Variants in GRIA4 observed in about 807,000 individuals in gnomAD.
GRIA4 encodes the protein glutamate receptor 4.
GRIA4 carries 34 observed loss-of-function variants against 104.0 expected under a neutral mutation model. The ratio of observed to expected loss-of-function variants is 0.33; its 90% CI spans 0.25 to 0.44. The LOEUF is 0.44. GRIA4 is among the 20% of genes least tolerant of loss of function. The probability of loss-of-function intolerance (pLI) is 1.00; values close to 1 mark genes in which losing one functional copy is unlikely to be tolerated. For missense variants in GRIA4, 750 were observed against 1,096.5 expected, an observed-to-expected ratio of 0.68 and a Z score of 4.46; for synonymous variants, 386 against 381.9, an observed-to-expected ratio of 1.01 and a Z score of -0.13.
chr11:105,859,118 G>A (rs926698436), intron 4 of GRIA4, among the ~76,000 whole-genome samples: 1 of 152,122 alleles, frequency 6.6e-6, no homozygotes, highest in African/African-American at 2.4e-5. Flanking sequence ...CATAATCATA[G>A]ATTCAACAGC....
At chr11:105,624,032 G>T (rs111886489) in intron 3 of GRIA4, among the ~76,000 whole-genome samples, 1 of 151,788 alleles carries the variant, frequency 6.6e-6, no homozygotes, top group Admixed American at 6.6e-5. Context: ...TTATATTATC[G>T]AAAAATCAAG....
intron 3 of GRIA4, among the ~76,000 whole-genome samples, chr11:105,621,487 C>T (rs1279600574): frequency 6.6e-6 from 1 of 151,012 alleles, no homozygotes; most frequent in Non-Finnish European, 1.5e-5. Flanking sequence ...TATTTTATAG[C>T]TATATCTTAT....
chr11:105,974,727 AC>A lies in GRIA4; in HGVS notation c.2544+284del, dbSNP rs1858888796. 8.4e-6 allele frequency: 5 copies of A among 593,840 alleles called. No individual in the cohort carries two copies. In the South Asian group the frequency reaches 1.1e-4, roughly 13 times the overall value. The allele number at this position is 593,840 out of a possible 1,614,324, so 36.8% of individuals were successfully genotyped here. ...TTTGGCTGCAGATGTACTGTTTGAAACTTTATGTTGCCAATAGATATCTGCA... is the reference window on the plus strand; with the variant it reads ...TTTGGCTGCAGATGTACTGTTTGAAATTTATGTTGCCAATAGATATCTGCA... On this transcript the variant is annotated intron_variant, in intron 16 of 16. Transcript: ENST00000282499.
intron 3 of GRIA4, among the ~76,000 whole-genome samples, chr11:105,705,582 A>T (rs1953667431): frequency 6.6e-6 from 1 of 152,212 alleles, no homozygotes; most frequent in Non-Finnish European, 1.5e-5. Context: ...ACCCCAATGG[A>T]AAAACAAGAG....
In GRIA4 at chr11:105,910,188, T is replaced by C. The variant is rs186718201; in HGVS notation, c.1159-247T>C. 4.0e-3 allele frequency among the ~76,000 whole-genome samples: 605 copies of C among 152,214 alleles called. 5 individuals are homozygous for C. Among genetic ancestry groups the C allele is most frequent in the African/African-American group, 0.013 (558 of 41,554 alleles). ...TTTGGAATCACCATTCCCAATCTCTTGGTCACTCCACTATTGTAAACAGTA... is the reference window on the plus strand; with the variant it reads ...TTTGGAATCACCATTCCCAATCTCTCGGTCACTCCACTATTGTAAACAGTA... On this transcript the variant is annotated intron_variant, in intron 9 of 16. Coordinates refer to ENST00000282499, the MANE Select transcript of GRIA4 (RefSeq NM_000829.4).
At chr11:105,634,480 A>AGAAAGAAAGAAAGG (rs1565419853) in intron 3 of GRIA4, among the ~76,000 whole-genome samples, 2 of 60,252 alleles carry the variant, frequency 3.3e-5, no homozygotes, top group African/African-American at 9.5e-5. Flanking sequence ...AAAGAAAGAA[A>AGAAAGAAAGAAAGG]GAAAGAAAGA....
chr11:105,730,072 A>G (rs1025924489), intron 3 of GRIA4, among the ~76,000 whole-genome samples: 1 of 152,214 alleles, frequency 6.6e-6, no homozygotes. Flanking sequence ...TTCAAATAGG[A>G]AGAGAGGAAG....
intron 4 of GRIA4, among the ~76,000 whole-genome samples, chr11:105,809,822 AC>A (rs2135865171): frequency 6.6e-6 from 1 of 152,156 alleles, no homozygotes; most frequent in South Asian, 2.1e-4. Flanking sequence ...TAGTACAGCT[AC>A]CAAACGCTAG....
intron 4 of GRIA4, among the ~76,000 whole-genome samples, chr11:105,829,421 A>G (rs1943892258): frequency 6.6e-6 from 1 of 152,028 alleles, no homozygotes. Context: ...AGGAGACTTC[A>G]GCGGATGGCT....
intron 3 of GRIA4, among the ~76,000 whole-genome samples, chr11:105,676,716 G>C (rs2135453447): frequency 6.6e-6 from 1 of 151,776 alleles, no homozygotes; most frequent in African/African-American, 2.4e-5. Flanking sequence ...AAAATCAATA[G>C]TGAAAACAAA....
chr11:105,894,109 A>G (rs576368964), intron 6 of GRIA4, among the ~76,000 whole-genome samples: 2 of 152,302 alleles, frequency 1.3e-5, no homozygotes, highest in East Asian at 3.9e-4. Flanking sequence ...TCTCATTCTC[A>G]TTTTGAATGT....
At chr11:105,971,301 C>T (rs669658) in intron 14 of GRIA4, among the ~76,000 whole-genome samples, 152,136 of 152,338 alleles carry the variant, frequency 1, 75,967 homozygotes, top group Middle Eastern at 1. Context: ...CATGGGCTTA[C>T]GCTTTAAAAT....
intron 3 of GRIA4, among the ~76,000 whole-genome samples, chr11:105,649,418 T>A (rs912624372): frequency 6.6e-6 from 1 of 152,170 alleles, no homozygotes; most frequent in African/African-American, 2.4e-5. Context: ...TTCATCCAAT[T>A]CTTGGCTTTT....
At chr11:105,945,497 C>T (rs1244975608) in intron 14 of GRIA4, 9 of 957,440 alleles carry the variant, frequency 9.4e-6, no homozygotes, top group Non-Finnish European at 1.1e-5. Context: ...AGCTCCAGGA[C>T]CAAGGTAAGA....
At chr11:105,868,981 T>C (rs1042790188) in intron 5 of GRIA4, among the ~76,000 whole-genome samples, 4 of 152,154 alleles carry the variant, frequency 2.6e-5, no homozygotes, top group African/African-American at 9.7e-5. Context: ...AGTCCTATTA[T>C]GATGCACTAG....
At chr11:105,810,303 G>T (rs1384493689) in intron 4 of GRIA4, among the ~76,000 whole-genome samples, 1 of 152,146 alleles carries the variant, frequency 6.6e-6, no homozygotes, top group Non-Finnish European at 1.5e-5. Flanking sequence ...TTTAGCTCTG[G>T]GAGATAGCTT....
intron 3 of GRIA4, among the ~76,000 whole-genome samples, chr11:105,621,028 C>T (rs555936260): frequency 6.6e-6 from 1 of 151,574 alleles, no homozygotes; most frequent in Non-Finnish European, 1.5e-5. Flanking sequence ...CTTAAGAAAA[C>T]TGTTGATATT....
intron 3 of GRIA4, among the ~76,000 whole-genome samples, chr11:105,691,216 G>T (rs916098652): frequency 2.0e-5 from 3 of 152,132 alleles, no homozygotes; most frequent in African/African-American, 7.2e-5. Flanking sequence ...GGATCCTGTG[G>T]CATATACTTC....
intron 9 of GRIA4, among the ~76,000 whole-genome samples, chr11:105,908,763 T>C (rs1459547636): frequency 1.3e-5 from 2 of 152,138 alleles, no homozygotes; most frequent in Admixed American, 6.6e-5. Context: ...TCTCCAAAAA[T>C]GTATCCCAGA....
Sources: allele counts gnomAD v4.1 joint callset (sites outside exome capture counted in the v4.1 genomes callset), GRCh38; gene constraint gnomAD v4.1.1; transcripts MANE v1.5; gene names NCBI Gene and HGNC (gene_info 2026-07-23, HGNC 2026-07-21).